SMYD3: variants seen among roughly 807,000 people sequenced by gnomAD.
SMYD3 encodes histone-lysine N-methyltransferase SMYD3.
Under a neutral mutation model 57.7 loss-of-function variants are expected in SMYD3, and 36 were observed. The ratio of observed to expected loss-of-function variants is 0.62; its 90% CI spans 0.48 to 0.82. The LOEUF (loss-of-function observed/expected upper bound fraction) is 0.82, where lower values mean the gene tolerates loss of function less well. Ranked by LOEUF, SMYD3 falls within the 40% of genes least tolerant of loss-of-function variation. The pLI is 0.00. For synonymous variants in SMYD3, 211 were observed against 195.0 expected, an observed-to-expected ratio of 1.08 and a Z score of -0.68; for missense variants, 515 against 538.8, an observed-to-expected ratio of 0.96 and a Z score of 0.44.
At chr1:246,098,140 A>G (rs1323361052) in intron 5 of SMYD3, among the ~76,000 whole-genome samples, 1 of 152,260 alleles carries the variant, frequency 6.6e-6, no homozygotes, top group African/African-American at 2.4e-5. Context: ...GGGTAAAACT[A>G]TATCTATACC....
At chr1:246,441,685 C>T (rs1357776022) in intron 1 of SMYD3, among the ~76,000 whole-genome samples, 2 of 152,184 alleles carry the variant, frequency 1.3e-5, no homozygotes, top group African/African-American at 4.8e-5. Context: ...CATCTCAGCT[C>T]ACCACAACCT....
At chr1:246,219,542 A>G (rs2063218076) in intron 5 of SMYD3, among the ~76,000 whole-genome samples, 1 of 152,158 alleles carries the variant, frequency 6.6e-6, no homozygotes, top group South Asian at 2.1e-4. Flanking sequence ...GATGCCAGAC[A>G]AGATTCTGGA....
At position 245,911,363 on chromosome 1, in the gene SMYD3, G is replaced by A. The variant is rs148884347; in HGVS notation, c.813+4167C>T. 3.1e-3 allele frequency among the ~76,000 whole-genome samples: 464 copies of A among 152,008 alleles called. 1 individual carries two copies. The highest frequency in any genetic ancestry group is 0.011 in the African/African-American group (451 of 41,484). On this transcript the variant is annotated intron_variant, in intron 8 of 11. Coordinates refer to ENST00000490107, the MANE Select transcript of SMYD3 (RefSeq NM_001167740.2). The stretch of plus-strand genomic sequence containing the variant: ...ATATAACCAAACAATCCAAACGTTG[G>A]ATATAGATCCAAAAGAAAGGAAATC...
chr1:245,994,343 G>A (rs890109869), intron 5 of SMYD3, among the ~76,000 whole-genome samples: 11 of 152,154 alleles, frequency 7.2e-5, no homozygotes, highest in African/African-American at 1.7e-4. Context: ...AGATTGGCCC[G>A]ACAAAATGAA....
At chr1:246,054,660 T>C (rs1224641616) in intron 5 of SMYD3, among the ~76,000 whole-genome samples, 1 of 151,928 alleles carries the variant, frequency 6.6e-6, no homozygotes, top group African/African-American at 2.4e-5. Flanking sequence ...TTATGTAAAA[T>C]GCAAGTTGAT....
At chr1:245,895,071 T>C (rs2053673390) in intron 8 of SMYD3, among the ~76,000 whole-genome samples, 2 of 152,142 alleles carry the variant, frequency 1.3e-5, no homozygotes, top group Non-Finnish European at 2.9e-5. Flanking sequence ...TCAGCCAACT[T>C]TACAGCCCAT....
intron 5 of SMYD3, among the ~76,000 whole-genome samples, chr1:246,062,417 T>G (rs2060271050): frequency 6.6e-6 from 1 of 152,182 alleles, no homozygotes; most frequent in Non-Finnish European, 1.5e-5. Context: ...CCTAAATCAC[T>G]GAAAACACTC....
chr1:246,418,598 A>C (rs1263883173), intron 1 of SMYD3, among the ~76,000 whole-genome samples: 1 of 152,222 alleles, frequency 6.6e-6, no homozygotes, highest in Non-Finnish European at 1.5e-5. Context: ...AACTGGAAGA[A>C]TCAGATCACA....
At chr1:245,847,498 T>C (rs1454177849) in intron 10 of SMYD3, among the ~76,000 whole-genome samples, 1 of 152,252 alleles carries the variant, frequency 6.6e-6, no homozygotes, top group Non-Finnish European at 1.5e-5. Flanking sequence ...TTTAATGTGT[T>C]TGAGTCATTC....
intron 10 of SMYD3, among the ~76,000 whole-genome samples, chr1:245,803,867 G>A (rs775277009): frequency 1.3e-5 from 2 of 151,824 alleles, no homozygotes; most frequent in Non-Finnish European, 2.9e-5. Flanking sequence ...GATCCAACCA[G>A]GCTTGAGGCC....
intron 5 of SMYD3, among the ~76,000 whole-genome samples, chr1:246,063,928 C>A (rs2060297848): frequency 6.6e-6 from 1 of 152,172 alleles, no homozygotes; most frequent in African/African-American, 2.4e-5. Context: ...GCGTAAGCCA[C>A]CACGCCCAGC....
intron 5 of SMYD3, among the ~76,000 whole-genome samples, chr1:246,041,539 C>T (rs904406285): frequency 1.3e-5 from 2 of 152,162 alleles, no homozygotes; most frequent in African/African-American, 4.8e-5. Context: ...TGTGCCTGGG[C>T]ATGTATCCCA....
intron 5 of SMYD3, among the ~76,000 whole-genome samples, chr1:246,317,309 C>A (rs539887127): frequency 6.6e-6 from 1 of 152,158 alleles, no homozygotes; most frequent in Non-Finnish European, 1.5e-5. Context: ...AAAGTATTTC[C>A]GATCCTTTTT....
intron 5 of SMYD3, among the ~76,000 whole-genome samples, chr1:246,166,380 C>A (rs1429330406): frequency 6.6e-6 from 1 of 152,120 alleles, no homozygotes; most frequent in Non-Finnish European, 1.5e-5. Context: ...TGAAACCTAC[C>A]CTGATTAGGA....
intron 1 of SMYD3, among the ~76,000 whole-genome samples, chr1:246,382,261 C>A (rs1558435602): frequency 6.6e-6 from 1 of 152,136 alleles, no homozygotes; most frequent in East Asian, 1.9e-4. Flanking sequence ...CAGACTGAAA[C>A]CCAAAGACTC....
intron 5 of SMYD3, among the ~76,000 whole-genome samples, chr1:245,969,335 A>G (rs1314505634): frequency 6.6e-6 from 1 of 152,222 alleles, no homozygotes; most frequent in Non-Finnish European, 1.5e-5. Context: ...AACAATAATG[A>G]CATGGACACT....
intron 5 of SMYD3, among the ~76,000 whole-genome samples, chr1:246,130,990 C>A (rs975535209): frequency 6.6e-6 from 1 of 152,176 alleles, no homozygotes; most frequent in African/African-American, 2.4e-5. Flanking sequence ...TACACACACT[C>A]TATGCTCCAA....
intron 5 of SMYD3, chr1:246,113,936 C>A (rs1002161313): frequency 6.6e-6 from 1 of 152,142 alleles, no homozygotes. Flanking sequence ...CTAAGTGTGA[C>A]GATCCTCTCA....
chr1:246,462,191 A>T (rs921870498), intron 1 of SMYD3, among the ~76,000 whole-genome samples: 3 of 139,764 alleles, frequency 2.1e-5, no homozygotes, highest in African/African-American at 7.8e-5. Context: ...TGCTGGGTAC[A>T]GTGCATCCTC....
Sources: gnomAD v4.1 joint callset for allele counts (sites outside exome capture counted in the v4.1 genomes callset) on GRCh38, gnomAD v4.1.1 for gene constraint, MANE v1.5 for transcripts, NCBI Gene and HGNC (gene_info 2026-07-23, HGNC 2026-07-21) for gene names.